Variants in ADAM22 observed in about 807,000 individuals in gnomAD.
The protein encoded by ADAM22 is ADAM metallopeptidase domain 22, also known as disintegrin and metalloproteinase domain-containing protein 22.
A neutral mutation model predicts 144.6 loss-of-function variants in ADAM22; 65 were observed. That is an observed-to-expected ratio of 0.45 (90% confidence interval 0.37 to 0.55). The LOEUF (loss-of-function observed/expected upper bound fraction) is 0.55. Ranked by LOEUF, ADAM22 falls within the 20% of genes least tolerant of loss-of-function variation. The pLI, the probability that ADAM22 is intolerant of heterozygous loss-of-function variation, is 0.00. For synonymous variants in ADAM22, 391 were observed against 412.6 expected (o/e 0.95, Z 0.63); for missense variants, 974 against 1,184.9 (o/e 0.82, Z 2.61).
intron 4 of ADAM22, among the ~76,000 whole-genome samples, chr7:88,076,667 A>C (rs1814603847): frequency 6.6e-6 from 1 of 152,174 alleles, no homozygotes; most frequent in Non-Finnish European, 1.5e-5. Flanking sequence ...AAAAGCCTCC[A>C]CCAGCTAGAG....
chr7:88,017,403 C>T (rs957467793), intron 3 of ADAM22, among the ~76,000 whole-genome samples: 8 of 151,954 alleles, frequency 5.3e-5, no homozygotes, highest in East Asian at 3.9e-4. Flanking sequence ...AATTATTATG[C>T]GTCAACTAAA....
chr7:88,086,158 A>G (rs1437242612), intron 4 of ADAM22, among the ~76,000 whole-genome samples: 1 of 152,228 alleles, frequency 6.6e-6, no homozygotes, highest in Admixed American at 6.5e-5. Flanking sequence ...CCTGGGCGAC[A>G]GAGCAAGACT....
intron 3 of ADAM22, among the ~76,000 whole-genome samples, chr7:87,980,263 G>T (rs2299194): frequency 0.079 from 11,084 of 140,288 alleles, 812 homozygotes; most frequent in East Asian, 0.3. Context: ...GAGGTAGCCT[G>T]GGCTGAGAAA....
chr7:88,014,674 A>G (rs984693686), intron 3 of ADAM22, among the ~76,000 whole-genome samples: 1 of 152,162 alleles, frequency 6.6e-6, no homozygotes, highest in Admixed American at 6.5e-5. Context: ...AAAAAAAGTT[A>G]TATACTTTCT....
At chr7:87,946,795 A>T (rs188301633) in intron 2 of ADAM22, among the ~76,000 whole-genome samples, 11 of 152,204 alleles carry the variant, frequency 7.2e-5, no homozygotes, top group African/African-American at 2.7e-4. Context: ...AAAGTCAGGG[A>T]ATCAACCTAG....
At chr7:87,993,740 G>A (rs530975400) in intron 3 of ADAM22, among the ~76,000 whole-genome samples, 24 of 152,294 alleles carry the variant, frequency 1.6e-4, no homozygotes, top group African/African-American at 4.6e-4. Context: ...TTCTCAGTCC[G>A]TGTATGTGAC....
At chr7:88,135,188 G>C (rs1391151310) in intron 13 of ADAM22, among the ~76,000 whole-genome samples, 1 of 142,748 alleles carries the variant, frequency 7.0e-6, no homozygotes, top group East Asian at 2.1e-4. Flanking sequence ...TGAGGCAGGA[G>C]AATCACTTGA....
rs1176126877 is a variant in ADAM22, at chr7:88,196,495, C to T, written c.*4C>T. The T allele has an allele frequency of 3.1e-6, 5 of 1,614,030 alleles. No individual in the cohort carries two copies. Among genetic ancestry groups the T allele is most frequent in the Non-Finnish European group, 3.4e-6 (4 of 1,179,968 alleles). ...GCTATGGGAGACATCCATTTAAGAT[C>T]AACTGTTTACATGTGATACATCGAA... On this transcript the variant is annotated 3_prime_UTR_variant, in exon 32 of 32. Coordinates refer to ENST00000413139, the MANE Select transcript of ADAM22 (RefSeq NM_001324418.2).
At position 88,114,657 on chromosome 7, in the gene ADAM22, C is replaced by T; in HGVS notation, c.537+10C>T. 4 of 1,613,184 alleles carry T rather than the reference C, an allele frequency of 2.5e-6. No individual in the cohort carries two copies. Among genetic ancestry groups the T allele is most frequent in the Non-Finnish European group, 3.4e-6 (4 of 1,179,492 alleles). ...AAATGACACTACTCAAGTAAGTGCTCCTTCTGTTTGTTGTGGCAAATGGAA... is the reference window on the plus strand; with the variant it reads ...AAATGACACTACTCAAGTAAGTGCTTCTTCTGTTTGTTGTGGCAAATGGAA... On this transcript the variant is annotated intron_variant, in intron 6 of 31. Coordinates refer to ENST00000413139, the MANE Select transcript of ADAM22 (RefSeq NM_001324418.2).
chr7:87,973,963 G>A (rs1407340757), intron 2 of ADAM22, among the ~76,000 whole-genome samples: 1 of 152,046 alleles, frequency 6.6e-6, no homozygotes, highest in Non-Finnish European at 1.5e-5. Context: ...GGGTGGGATA[G>A]CATTAGGAGA....
intron 6 of ADAM22, 72 bp downstream of exon 6, chr7:88,114,719 T>A (rs1585860872): frequency 2.9e-6 from 4 of 1,382,764 alleles, no homozygotes; most frequent in South Asian, 2.5e-5. Flanking sequence ...CTCCTTTTTT[T>A]ATCTCTACTT....
At chr7:88,041,595 A>G (rs1282523465) in intron 3 of ADAM22, among the ~76,000 whole-genome samples, 1 of 152,044 alleles carries the variant, frequency 6.6e-6, no homozygotes, top group African/African-American at 2.4e-5. Flanking sequence ...ATTTAAGATT[A>G]ATTTTGCAAA....
chr7:87,975,419 A>G (rs1851677954), intron 2 of ADAM22, among the ~76,000 whole-genome samples: 1 of 152,180 alleles, frequency 6.6e-6, no homozygotes, highest in Non-Finnish European at 1.5e-5. Flanking sequence ...TCTCAGAAGA[A>G]GGTTATTGAA....
chr7:88,183,902 G>T (rs1847709654), intron 29 of ADAM22, among the ~76,000 whole-genome samples: 1 of 151,706 alleles, frequency 6.6e-6, no homozygotes, highest in Non-Finnish European at 1.5e-5. Flanking sequence ...CTGATAGGTA[G>T]CATATCAAGA....
At chr7:88,120,512 C>T (rs928437399) in intron 7 of ADAM22, among the ~76,000 whole-genome samples, 1 of 152,172 alleles carries the variant, frequency 6.6e-6, no homozygotes, top group East Asian at 1.9e-4. Flanking sequence ...CTCTGTCATT[C>T]TTTAATTTTA....
chr7:88,166,034 G>T, intron 24 of ADAM22, 88 bp downstream of exon 24: 1 of 867,224 alleles, frequency 1.2e-6, no homozygotes. Flanking sequence ...TTATTTTTAT[G>T]ATAATCAGAA....
intron 3 of ADAM22, among the ~76,000 whole-genome samples, chr7:88,057,081 A>G (rs1808440500): frequency 6.6e-6 from 1 of 152,106 alleles, no homozygotes; most frequent in Non-Finnish European, 1.5e-5. Flanking sequence ...GATTGAGGGT[A>G]GGGCAGGTAG....
At position 88,157,513 on chromosome 7, in the gene ADAM22, G is replaced by A. The variant is rs564987650; in HGVS notation, c.1907+1507G>A. On this transcript the variant is annotated intron_variant, in intron 22 of 31. Coordinates refer to ENST00000413139, the MANE Select transcript of ADAM22 (RefSeq NM_001324418.2). ...AGAAAATAAAGACATGTTTAGTTAT[G>A]CTACAAATTTCTCAGGAAAGTACTA... 3.3e-5 allele frequency among the ~76,000 whole-genome samples: 5 copies of A among 152,212 alleles called. No individual in the cohort carries two copies. The East Asian group carries it at 9.7e-4, about 29-fold the overall frequency.
chr7:88,158,637 C>G (rs1228078320), intron 22 of ADAM22, among the ~76,000 whole-genome samples: 1 of 151,974 alleles, frequency 6.6e-6, no homozygotes, highest in Non-Finnish European at 1.5e-5. Context: ...GGAAATTAAG[C>G]AACCTGGTCC....
Sources: gnomAD v4.1 joint callset for allele counts (sites outside exome capture counted in the v4.1 genomes callset) on GRCh38, gnomAD v4.1.1 for gene constraint, MANE v1.5 for transcripts, NCBI Gene and HGNC (gene_info 2026-07-23, HGNC 2026-07-21) for gene names.